Variants in INPP4B observed in about 807,000 individuals in gnomAD.
INPP4B encodes inositol polyphosphate 4-phosphatase type II.
INPP4B carries 55 observed loss-of-function variants against 122.5 expected under a neutral mutation model. The ratio of observed to expected loss-of-function variants is 0.45; its 90% CI spans 0.36 to 0.56. The LOEUF is 0.56. Ranked by LOEUF, INPP4B falls within the 20% of genes least tolerant of loss-of-function variation. The pLI, the probability that INPP4B is intolerant of heterozygous loss-of-function variation, is 0.00. For synonymous variants in INPP4B, 403 were observed against 388.7 expected, an observed-to-expected ratio of 1.04 and a Z score of -0.43; for missense variants, 1,000 against 1,097.7, an observed-to-expected ratio of 0.91 and a Z score of 1.26.
chr4:142,760,812 C>A (rs1300280491), intron 1 of INPP4B, among the ~76,000 whole-genome samples: 1 of 152,118 alleles, frequency 6.6e-6, no homozygotes, highest in Non-Finnish European at 1.5e-5. Flanking sequence ...ACATAACTGG[C>A]AATTATTTCT....
At chr4:142,432,797 G>A (rs1056476651) in intron 3 of INPP4B, among the ~76,000 whole-genome samples, 5 of 152,038 alleles carry the variant, frequency 3.3e-5, no homozygotes, top group Non-Finnish European at 7.4e-5. Context: ...CCACAATCCT[G>A]ATCAGTCATC....
In INPP4B at chr4:142,268,322, C is replaced by CAAAAAAAAAAAAAAAA. The variant is rs56908599; in HGVS notation, c.615+2325_615+2340dup. Among the ~76,000 whole-genome samples, 49 of 6,902 alleles carry CAAAAAAAAAAAAAAAA rather than the reference C, an allele frequency of 7.1e-3. 12 individuals are homozygous for CAAAAAAAAAAAAAAAA. Among genetic ancestry groups the CAAAAAAAAAAAAAAAA allele is most frequent in the African/African-American group, 0.012 (44 of 3,556 alleles). The allele number at this position is 6,902 out of a possible 152,430, so 4.5% of individuals were successfully genotyped here. On this transcript the variant is annotated intron_variant, in intron 10 of 25. Coordinates refer to ENST00000262992, the MANE Select transcript of INPP4B (RefSeq NM_001101669.3). ...TGGGTGACAGAGCAAGACTCCGTCT[C>CAAAAAAAAAAAAAAAA]AAAAAAAAAAAAAAAAAAAAAAAAT...
intron 9 of INPP4B, among the ~76,000 whole-genome samples, chr4:142,280,501 G>C (rs1907119): frequency 0.77 from 116,193 of 151,772 alleles, 45,628 homozygotes; most frequent in East Asian, 0.93. Context: ...TAGCTATTTT[G>C]ATGGACAACA....
intron 7 of INPP4B, among the ~76,000 whole-genome samples, chr4:142,400,307 A>G (rs1055170457): frequency 3.9e-5 from 6 of 152,190 alleles, no homozygotes; most frequent in East Asian, 1.9e-4. Flanking sequence ...AGTATGATCA[A>G]TGGTTTGCTA....
intron 12 of INPP4B, among the ~76,000 whole-genome samples, chr4:142,212,157 C>T (rs534275683): frequency 3.0e-4 from 45 of 152,106 alleles, no homozygotes; most frequent in African/African-American, 1.1e-3. Context: ...GTTGATAACC[C>T]GATAGCATAC....
intron 1 of INPP4B, among the ~76,000 whole-genome samples, chr4:142,785,340 A>G (rs752796048): frequency 2.0e-5 from 3 of 152,124 alleles, no homozygotes; most frequent in Non-Finnish European, 4.4e-5. Flanking sequence ...GACATAAAGC[A>G]ACTGTGACAT....
intron 2 of INPP4B, among the ~76,000 whole-genome samples, chr4:142,619,178 T>G (rs1744344569): frequency 6.6e-6 from 1 of 151,578 alleles, no homozygotes; most frequent in South Asian, 2.1e-4. Flanking sequence ...AGTATGGAGA[T>G]TCCTAAAAAA....
chr4:142,223,775 A>T (rs1850363824), intron 12 of INPP4B, among the ~76,000 whole-genome samples: 2 of 152,218 alleles, frequency 1.3e-5, no homozygotes, highest in East Asian at 3.8e-4. Flanking sequence ...AGAAGAATGA[A>T]CAGAAGAAAT....
chr4:142,747,864 C>G (rs1010381053), intron 1 of INPP4B, among the ~76,000 whole-genome samples: 5 of 140,342 alleles, frequency 3.6e-5, no homozygotes, highest in African/African-American at 1.3e-4. Flanking sequence ...ATACCAGGGC[C>G]TGTCAAGGGG....
chr4:142,253,973 G>A (rs541531162), intron 11 of INPP4B, among the ~76,000 whole-genome samples: 4 of 152,198 alleles, frequency 2.6e-5, no homozygotes, highest in African/African-American at 9.6e-5. Context: ...GCTTTGAAGA[G>A]AGCAGTGGTT....
At chr4:142,350,429 A>T (rs1392874111) in intron 7 of INPP4B, among the ~76,000 whole-genome samples, 1 of 152,008 alleles carries the variant, frequency 6.6e-6, no homozygotes, top group Admixed American at 6.6e-5. Flanking sequence ...AAAACAAAAA[A>T]CTAAGACCTA....
chr4:142,666,486 C>T (rs116404332), intron 2 of INPP4B, among the ~76,000 whole-genome samples: 3,837 of 151,880 alleles, frequency 0.025, 73 homozygotes, highest in Non-Finnish European at 0.041. Flanking sequence ...CAATATTATA[C>T]GGCAAATAAA....
intron 2 of INPP4B, among the ~76,000 whole-genome samples, chr4:142,553,189 G>T (rs918244860): frequency 6.6e-6 from 1 of 152,160 alleles, no homozygotes; most frequent in East Asian, 1.9e-4. Context: ...TCAGAGCAGA[G>T]TCAGAAGCTC....
Position 142,563,654 on chromosome 4 carries a change from A to G in INPP4B, c.-190-100928T>C, listed in dbSNP as rs190959525. Reference sequence around the variant, plus strand: ...ACTTGAGTCTATTTGCCCATTCTTGAATTTGGGGTGGTGTTGGGACTTGCT... The same window carrying G: ...ACTTGAGTCTATTTGCCCATTCTTGGATTTGGGGTGGTGTTGGGACTTGCT... On this transcript the variant is annotated intron_variant, in intron 2 of 25. Transcript: ENST00000262992. Among the ~76,000 whole-genome samples the G allele has an allele frequency of 1.6e-4, 25 of 152,290 alleles. No homozygotes were observed. The East Asian group carries it at 4.6e-3, about 28-fold the overall frequency.
chr4:142,823,201 G>A (rs1303564893), intron 1 of INPP4B, among the ~76,000 whole-genome samples: 2 of 152,156 alleles, frequency 1.3e-5, no homozygotes, highest in African/African-American at 4.8e-5. Context: ...CAGAGAGCCA[G>A]AAGTATTTGG....
Position 142,837,602 on chromosome 4 carries a change from A to G in INPP4B, c.-254+8607T>C, listed in dbSNP as rs181002705. 2.2e-4 allele frequency among the ~76,000 whole-genome samples: 34 copies of G among 152,310 alleles called. No individual in the cohort carries two copies. The East Asian group carries it at 5.8e-3, about 26-fold the overall frequency. On this transcript the variant is annotated intron_variant, in intron 1 of 25. Coordinates refer to ENST00000262992, the MANE Select transcript of INPP4B (RefSeq NM_001101669.3). ...GGTAAATTGTCTATAAGAAGGGCTC[A>G]ATAAATTTTAGCTTTTGTTGTTGTT...
chr4:142,654,541 T>G (rs1370607956), intron 2 of INPP4B: 8 of 152,146 alleles, frequency 5.3e-5, no homozygotes, highest in Non-Finnish European at 1.0e-4. Flanking sequence ...TGGATCTAAT[T>G]CTGCTATTAT....
At chr4:142,672,338 C>T (rs1439686795) in intron 2 of INPP4B, among the ~76,000 whole-genome samples, 1 of 152,146 alleles carries the variant, frequency 6.6e-6, no homozygotes, top group Admixed American at 6.6e-5. Flanking sequence ...AGTGGCTCTT[C>T]CATCTGCATT....
chr4:142,315,407 G>A lies in INPP4B; in HGVS notation c.373-645C>T, dbSNP rs556018072. Among the ~76,000 whole-genome samples, 9 of 152,134 alleles carry A rather than the reference G, an allele frequency of 5.9e-5. No individual in the cohort carries two copies. The South Asian group carries it at 8.3e-4, about 14-fold the overall frequency. On this transcript the variant is annotated intron_variant, in intron 7 of 25. Transcript: ENST00000262992. ...GGAGGGGGAATAATGTCAAAGAACC[G>A]GTTATCTGGGCAAGCTTTCCAAAAA...
Sources: gnomAD v4.1 joint callset for allele counts (sites outside exome capture counted in the v4.1 genomes callset) on GRCh38, gnomAD v4.1.1 for gene constraint, MANE v1.5 for transcripts, NCBI Gene and HGNC (gene_info 2026-07-23, HGNC 2026-07-21) for gene names.